Variants in TJP1 observed in about 807,000 individuals in gnomAD.
TJP1 encodes tight junction protein 1.
Under a neutral mutation model 194.2 loss-of-function variants are expected in TJP1, and 43 were observed. The ratio of observed to expected loss-of-function variants is 0.22; its 90% CI spans 0.17 to 0.29. The LOEUF is 0.29. TJP1 is among the 10% of genes least tolerant of loss of function. TJP1 has a pLI of 1.00. For synonymous variants in TJP1, 801 were observed against 779.0 expected (o/e 1.03, Z -0.47); for missense variants, 1,971 against 2,185.7 (o/e 0.90, Z 1.96).
chr15:29,750,858 G>T (rs916846318), intron 8 of TJP1, among the ~76,000 whole-genome samples: 17 of 152,296 alleles, frequency 1.1e-4, no homozygotes, highest in African/African-American at 3.8e-4. Context: ...ACAAAAGCTA[G>T]CTACTAATCC....
At chr15:29,865,515 T>A (rs1426993805) in intron 2 of TJP1, among the ~76,000 whole-genome samples, 2 of 152,174 alleles carry the variant, frequency 1.3e-5, no homozygotes, top group Non-Finnish European at 2.9e-5. Context: ...GTTTAGAATA[T>A]GATCAAGTTC....
chr15:29,753,693 C>T (rs370869937), intron 8 of TJP1, among the ~76,000 whole-genome samples: 1 of 151,676 alleles, frequency 6.6e-6, no homozygotes, highest in Non-Finnish European at 1.5e-5. Flanking sequence ...ACATTGGTCA[C>T]GGTGTAAGGT....
chr15:29,736,639 G>C (rs146706179), intron 11 of TJP1, among the ~76,000 whole-genome samples: 6 of 152,334 alleles, frequency 3.9e-5, no homozygotes, highest in African/African-American at 9.6e-5. Flanking sequence ...ACCGTTTATG[G>C]GGAAGGAAGG....
intron 2 of TJP1, among the ~76,000 whole-genome samples, chr15:29,943,006 C>A (rs921646897): frequency 2.0e-5 from 3 of 152,062 alleles, no homozygotes; most frequent in African/African-American, 7.2e-5. Context: ...AACAAACTAC[C>A]CTGGCCTGTG....
intron 2 of TJP1, among the ~76,000 whole-genome samples, chr15:29,904,322 GACAA>G (rs2152206548): frequency 6.6e-6 from 1 of 152,264 alleles, no homozygotes; most frequent in East Asian, 1.9e-4. Context: ...CCTTGTGAGA[GACAA>G]AGGTGGCTCG....
At chr15:29,776,733 CCA>C (rs1285432742) in intron 2 of TJP1, among the ~76,000 whole-genome samples, 1 of 152,112 alleles carries the variant, frequency 6.6e-6, no homozygotes, top group Non-Finnish European at 1.5e-5. Context: ...CCACATTTCA[CCA>C]CACAGTGTAT....
chr15:29,730,637 C>T (rs975027544), intron 15 of TJP1: 38 of 653,516 alleles, frequency 5.8e-5, no homozygotes, highest in African/African-American at 5.2e-4. Context: ...GAGGCGAGAA[C>T]GACCCCCGGA....
chr15:29,788,623 C>G (rs998853110), intron 2 of TJP1, among the ~76,000 whole-genome samples: 2 of 152,162 alleles, frequency 1.3e-5, no homozygotes, highest in African/African-American at 4.8e-5. Flanking sequence ...CAATCACCTC[C>G]CTAGTTTAAA....
intron 2 of TJP1, among the ~76,000 whole-genome samples, chr15:29,871,640 G>A (rs191693877): frequency 4.3e-4 from 65 of 152,340 alleles, no homozygotes; most frequent in Admixed American, 2.2e-3. Context: ...CAGCTGAGGC[G>A]CCAAGCTGCA....
chr15:29,836,373 C>T (rs1413194169), intron 2 of TJP1, among the ~76,000 whole-genome samples: 3 of 151,930 alleles, frequency 2.0e-5, no homozygotes, highest in East Asian at 2.0e-4. Context: ...CCCGGGTTCA[C>T]GCCATTCACC....
At chr15:29,966,799 GA>G (rs1487059082) in intron 1 of TJP1, among the ~76,000 whole-genome samples, 1 of 152,132 alleles carries the variant, frequency 6.6e-6, no homozygotes, top group Admixed American at 6.5e-5. Flanking sequence ...GGGCTCAGGA[GA>G]AAAGCAAAAT....
intron 13 of TJP1, 132 bp downstream of exon 13, chr15:29,732,962 C>A: frequency 7.9e-7 from 1 of 1,261,702 alleles, no homozygotes; most frequent in African/African-American, 1.5e-5. Flanking sequence ...GTTTGTAAAC[C>A]TAAGTCAGTT....
At chr15:29,967,789 T>C (rs2056383235) in intron 1 of TJP1, among the ~76,000 whole-genome samples, 1 of 152,222 alleles carries the variant, frequency 6.6e-6, no homozygotes, top group African/African-American at 2.4e-5. Flanking sequence ...TAGGATTAAA[T>C]TAGACTGTGC....
At chr15:29,895,079 C>A (rs911258155) in intron 2 of TJP1, among the ~76,000 whole-genome samples, 1 of 152,118 alleles carries the variant, frequency 6.6e-6, no homozygotes, top group East Asian at 1.9e-4. Flanking sequence ...CAGTGGTAGC[C>A]CCAATAATCT....
chr15:29,788,844 T>G (rs1198673243), intron 2 of TJP1, among the ~76,000 whole-genome samples: 1 of 152,186 alleles, frequency 6.6e-6, no homozygotes, highest in Non-Finnish European at 1.5e-5. Flanking sequence ...AGGGCGAGTA[T>G]CTGAAAACTA....
Position 29,869,810 on chromosome 15 carries a change from T to A in TJP1, c.307-69108A>T, listed in dbSNP as rs1421410917. On this transcript the variant is annotated intron_variant, in intron 2 of 28. Transcript: ENST00000356107. ...TTCTTTCTTTCTTTTTTTTTTTTTT[T>A]TTTTTTTTTTTTTTGAGACAGAGTC... is the stretch of plus-strand genomic sequence containing the variant. Among the ~76,000 whole-genome samples the A allele has an allele frequency of 2.3e-5, 3 of 127,848 alleles. No homozygotes were observed. In the East Asian group the frequency reaches 6.8e-4, roughly 29 times the overall value. The allele number at this position is 127,848 out of a possible 152,430, so 83.9% of individuals were successfully genotyped here.
chr15:29,803,440 T>C (rs924917212), intron 1 of TJP1, among the ~76,000 whole-genome samples: 3 of 152,140 alleles, frequency 2.0e-5, no homozygotes, highest in Non-Finnish European at 4.4e-5. Flanking sequence ...CTAATGTAAG[T>C]GTTCTGAGCA....
At chr15:29,928,425 AC>A (rs1241313843) in intron 2 of TJP1, among the ~76,000 whole-genome samples, 1 of 146,150 alleles carries the variant, frequency 6.8e-6, no homozygotes, top group African/African-American at 2.6e-5. Flanking sequence ...AGCTGCTGGT[AC>A]AACTATAAAT....
In TJP1 at chr15:29,822,212, G is replaced by A. The variant is rs533804614; in HGVS notation, c.-184C>T. ...CAACTCGGACAAAAGTCCGGGAAGC[G>A]CCCGCCCCGCCCGGGTCTTCTCCAC... On this transcript the variant is annotated 5_prime_UTR_variant, in exon 1 of 28. Coordinates refer to ENST00000614355, the MANE Select transcript of TJP1 (RefSeq NM_001330239.4). The A allele has an allele frequency of 2.3e-4, 275 of 1,176,324 alleles. 3 individuals are homozygous for A. The African/African-American group carries it at 4.1e-3, about 18-fold the overall frequency. 72.9% of individuals were successfully genotyped at this position (1,176,324 alleles called of 1,614,324 possible).
Sources: allele counts gnomAD v4.1 joint callset (sites outside exome capture counted in the v4.1 genomes callset), GRCh38; gene constraint gnomAD v4.1.1; transcripts MANE v1.5; gene names NCBI Gene and HGNC (gene_info 2026-07-23, HGNC 2026-07-21).